The following CAMK2G variants were observed in gnomAD, a reference collection of about 807,000 sequenced individuals.
The protein encoded by CAMK2G is calcium/calmodulin-dependent protein kinase type II subunit gamma.
A neutral mutation model predicts 88.7 loss-of-function variants in CAMK2G; 23 were observed. The observed-to-expected ratio is 0.26, with a 90% CI of 0.19 to 0.37. CAMK2G has a LOEUF of 0.37. Ranked by LOEUF, CAMK2G falls within the 10% of genes least tolerant of loss-of-function variation. CAMK2G has a pLI of 1.00. For missense variants in CAMK2G, 476 were observed against 780.8 expected (o/e 0.61, Z 4.65); for synonymous variants, 263 against 294.8 (o/e 0.89, Z 1.11).
At chr10:73,851,485 G>A (rs971324860) in intron 5 of CAMK2G, among the ~76,000 whole-genome samples, 1 of 152,056 alleles carries the variant, frequency 6.6e-6, no homozygotes, top group African/African-American at 2.4e-5. Flanking sequence ...AAAGCTCCCG[G>A]GGCTCTATGG....
At chr10:73,832,065 T>TA (rs563352520) in intron 14 of CAMK2G, among the ~76,000 whole-genome samples, 1,588 of 146,878 alleles carry the variant, frequency 0.011, 13 homozygotes, top group Middle Eastern at 0.024. Context: ...TGCTTTACTT[T>TA]AAAAAAAAAA....
chr10:73,824,027 A>C lies in CAMK2G; in HGVS notation c.1200+13T>G. The C allele has an allele frequency of 6.2e-7, 1 of 1,608,904 alleles. No individual in the cohort carries two copies. The highest frequency in any genetic ancestry group is 2.2e-5 in the East Asian group (1 of 44,848). The stretch of plus-strand genomic sequence containing the variant: ...GACCTGGAAAGCAGGAGGCAGGCTC[A>C]GGAGCCACTCACCTTGATCCCATCT... On this transcript the variant is annotated intron_variant, in intron 17 of 22. Transcript: ENST00000423381.
chr10:73,842,250 C>T lies in CAMK2G; in HGVS notation c.904-39G>A, dbSNP rs1468493629. On this transcript the variant is annotated intron_variant, in intron 11 of 22. Coordinates refer to ENST00000423381, the MANE Select transcript of CAMK2G (RefSeq NM_001367534.1). The surrounding 1 kb of genome is among the most constrained non-coding windows in gnomAD (Gnocchi z 4.6). ...AAGGTCCTGTGAATTCACTGAGACC[C>T]TAGAAAAGGGCAGGCTGGTCTCAGG... is the stretch of plus-strand genomic sequence containing the variant. 6.4e-7 allele frequency: 1 copy of T among 1,560,804 alleles called. No homozygotes were observed. Among genetic ancestry groups the T allele is most frequent in the Non-Finnish European group, 8.8e-7 (1 of 1,131,326 alleles).
At chr10:73,853,002 G>A (rs1373192086) in intron 4 of CAMK2G, among the ~76,000 whole-genome samples, 190 bp downstream of exon 4, 1 of 152,182 alleles carries the variant, frequency 6.6e-6, no homozygotes, top group Non-Finnish European at 1.5e-5. Context: ...TCAGAGCCCT[G>A]GGGGGACGCT....
chr10:73,834,677 A>G (rs2092988029), intron 14 of CAMK2G, among the ~76,000 whole-genome samples: 1 of 152,188 alleles, frequency 6.6e-6, no homozygotes, highest in Non-Finnish European at 1.5e-5. Context: ...TGGATTCATG[A>G]AAGTGTTTTT....
At chr10:73,832,906 C>T (rs1006358420) in intron 14 of CAMK2G, among the ~76,000 whole-genome samples, 6 of 151,752 alleles carry the variant, frequency 4.0e-5, no homozygotes, top group Non-Finnish European at 8.8e-5. Flanking sequence ...AGGTACGCAC[C>T]ACTGTGTCTG....
chr10:73,868,830 G>A (rs556258548), intron 2 of CAMK2G, among the ~76,000 whole-genome samples: 2 of 152,282 alleles, frequency 1.3e-5, no homozygotes, highest in South Asian at 4.1e-4. Context: ...CCATCCAGGG[G>A]ATCCCATTTC....
Position 73,848,078 on chromosome 10 carries a change from G to A in CAMK2G, c.606C>T (p.Val202=). The A allele has an allele frequency of 1.3e-6, 2 of 1,591,784 alleles. No individual in the cohort carries two copies. The highest frequency in any genetic ancestry group is 1.7e-6 in the Non-Finnish European group (2 of 1,159,826). The change falls in exon 9 of 23, where the codon GTC becomes GTT. Residue 202 remains valine (V), a synonymous_variant. Transcript: ENST00000423381. The surrounding 1 kb of genome is among the most constrained non-coding windows in gnomAD (Gnocchi z 4.5). ...AGCCCACCAGGAGGATATACAGGATGACCCCTACGAGACAGAACACACAGG... is the reference window on the plus strand; with the variant it reads ...AGCCCACCAGGAGGATATACAGGATAACCCCTACGAGACAGAACACACAGG... ...GKPVDIWACG[V]ILYILLVGYP... is the part of the protein sequence containing the mutation.
intron 5 of CAMK2G, 48 bp from the exon 6 acceptor site, chr10:73,849,381 T>TCATCCA: frequency 7.5e-7 from 1 of 1,338,938 alleles, no homozygotes; most frequent in Non-Finnish European, 1.1e-6. Context: ...TTAAACCACC[T>TCATCCA]CATCCACATC....
chr10:73,850,207 G>A (rs1222076953), intron 5 of CAMK2G, among the ~76,000 whole-genome samples: 1 of 152,116 alleles, frequency 6.6e-6, no homozygotes, highest in African/African-American at 2.4e-5. Flanking sequence ...ATGTTGCCCA[G>A]GCTGGTCTTG....
At chr10:73,824,169 C>A in intron 16 of CAMK2G, 85 bp from the exon 17 acceptor site, 2 of 949,690 alleles carry the variant, frequency 2.1e-6, no homozygotes, top group Non-Finnish European at 3.4e-6. Context: ...ACCCCAGGAC[C>A]CCCGCAGACC....
At position 73,845,033 on chromosome 10, in the gene CAMK2G, T is replaced by C. The variant is rs572970464; in HGVS notation, c.819+2192A>G. Reference sequence around the variant, plus strand: ...CCCCCTAACTCTCCCTATCATTAAATGCTGGTGTGTAGTGGCCGTCTCTTC... The same window carrying C: ...CCCCCTAACTCTCCCTATCATTAAACGCTGGTGTGTAGTGGCCGTCTCTTC... On this transcript the variant is annotated intron_variant, in intron 10 of 22. Transcript: ENST00000423381. Among the ~76,000 whole-genome samples the C allele has an allele frequency of 2.6e-5, 4 of 152,292 alleles. No individual in the cohort carries two copies. The East Asian group carries it at 7.7e-4, about 29-fold the overall frequency.
In CAMK2G at chr10:73,849,077, G is replaced by A. The variant is rs149345235; in HGVS notation, c.453C>T (p.Ala151=). Reference sequence around the variant, plus strand: ...GGCCAAAATCAGCCAGCTTGACGGCGGCACCCTTGCATTTACTCGCCAGCA... The same window carrying A: ...GGCCAAAATCAGCCAGCTTGACGGCAGCACCCTTGCATTTACTCGCCAGCA... The part of the protein sequence containing the change: ...NLLLASKCKG[A]AVKLADFGLA... The change falls in exon 7 of 23, where the codon GCC becomes GCT. Residue 151 remains alanine (A), a synonymous_variant. Transcript: ENST00000423381. 4.8e-5 allele frequency: 78 copies of A among 1,614,000 alleles called. No individual in the cohort carries two copies. Among genetic ancestry groups the A allele is most frequent in the Middle Eastern group, 3.3e-4 (2 of 6,062 alleles).
chr10:73,816,259 A>G (rs1033406923), intron 21 of CAMK2G: 2 of 989,432 alleles, frequency 2.0e-6, no homozygotes, highest in African/African-American at 3.5e-5. Flanking sequence ...GCCTTCCTCC[A>G]TAGTCAGGAA....
intron 15 of CAMK2G, among the ~76,000 whole-genome samples, chr10:73,827,130 T>G (rs1279413488): frequency 6.6e-6 from 1 of 152,214 alleles, no homozygotes; most frequent in Non-Finnish European, 1.5e-5. Flanking sequence ...GGGCAAGGAC[T>G]CCAGGGTGCC....
At chr10:73,854,758 C>T (rs970171455) in intron 3 of CAMK2G, among the ~76,000 whole-genome samples, 1 of 152,178 alleles carries the variant, frequency 6.6e-6, no homozygotes, top group African/African-American at 2.4e-5. Flanking sequence ...ACCCAGCCGG[C>T]ACAGTCCCGA....
chr10:73,823,428 G>A (rs2089799614), intron 17 of CAMK2G, among the ~76,000 whole-genome samples: 1 of 151,336 alleles, frequency 6.6e-6, no homozygotes, highest in Admixed American at 6.6e-5. Flanking sequence ...GTTGCCCAAG[G>A]TGGTCTCTAA....
Position 73,816,167 on chromosome 10 carries a change from G to C in CAMK2G, c.1534+856C>G, listed in dbSNP as rs2085400585. On this transcript the variant is annotated intron_variant, in intron 21 of 22. Coordinates refer to ENST00000423381, the MANE Select transcript of CAMK2G (RefSeq NM_001367534.1). ...TCATAGAGCAGAGAGAAAGATGGGA[G>C]GGGGTGATGATTCAGCTTCTTATCC... is the stretch of plus-strand genomic sequence containing the variant. The C allele has an allele frequency of 3.0e-6, 3 of 985,542 alleles. No individual in the cohort carries two copies. In the South Asian group the frequency reaches 1.4e-4, roughly 46 times the overall value. 61.0% of individuals were successfully genotyped at this position (985,542 alleles called of 1,614,324 possible). A position where few individuals can be genotyped will look rare whatever the true frequency, so the allele number is the denominator to read the frequency against.
chr10:73,863,273 A>G (rs2095458085), intron 2 of CAMK2G, among the ~76,000 whole-genome samples: 1 of 152,188 alleles, frequency 6.6e-6, no homozygotes, highest in African/African-American at 2.4e-5. Flanking sequence ...GGATGCAGCC[A>G]GGAGAACCCC....
Sources: gnomAD v4.1 joint callset for allele counts (sites outside exome capture counted in the v4.1 genomes callset) on GRCh38, gnomAD v4.1.1 for gene constraint, Gnocchi (gnomAD v3.1) non-coding constraint, MANE v1.5 for transcripts, NCBI Gene and HGNC (gene_info 2026-07-23, HGNC 2026-07-21) for gene names.